Variants in PMM1 observed in about 807,000 individuals in gnomAD.
PMM1 encodes brain glucose-1,6-bisphosphatase.
A neutral mutation model predicts 34.0 loss-of-function variants in PMM1; 25 were observed. The observed-to-expected ratio is 0.73, with a 90% CI of 0.54 to 1.03. The LOEUF (loss-of-function observed/expected upper bound fraction) is 1.03. PMM1 is among the 50% of genes least tolerant of loss of function. The pLI is 0.00. For missense variants in PMM1, 321 were observed against 350.1 expected (o/e 0.92, Z 0.66); for synonymous variants, 134 against 143.9 (o/e 0.93, Z 0.49).
Position 41,585,616 on chromosome 22 carries a change from C to T in PMM1, c.205+460G>A, listed in dbSNP as rs764396329. On this transcript the variant is annotated intron_variant, in intron 2 of 7. Coordinates refer to ENST00000216259, the MANE Select transcript of PMM1 (RefSeq NM_002676.3). ...AAGCGATTCTCCTGCCTCAGCCTCC[C>T]GAGTAGCTGGGATTACAGGCACGTG... 2.8e-4 allele frequency among the ~76,000 whole-genome samples: 42 copies of T among 152,060 alleles called. No homozygotes were observed. The East Asian group carries it at 3.3e-3, about 12-fold the overall frequency.
At position 41,578,813 on chromosome 22, in the gene PMM1, G is replaced by C; in HGVS notation, c.543C>G (p.Phe181Leu). The change falls in exon 6 of 8, where the codon TTC becomes TTG. Residue 181 changes from phenylalanine (F) to leucine (L), a missense_variant. Coordinates refer to ENST00000216259, the MANE Select transcript of PMM1 (RefSeq NM_002676.3). ...TCTGCAGGGTGGACGTACCTCGAGAGAACCTCAGCCCTTTGCCAGCAAACT... is the reference window on the plus strand; with the variant it reads ...TCTGCAGGGTGGACGTACCTCGAGACAACCTCAGCCCTTTGCCAGCAAACT... ...KTEFAGKGLR[F>L]SRGGMISFDV... The C allele has an allele frequency of 6.2e-7, 1 of 1,613,886 alleles. No homozygotes were observed. Among genetic ancestry groups the C allele is most frequent in the Non-Finnish European group, 8.5e-7 (1 of 1,179,834 alleles).
intron 3 of PMM1, 46 bp downstream of exon 3, chr22:41,584,481 T>C (rs778822082): frequency 1.3e-6 from 2 of 1,579,968 alleles, no homozygotes; most frequent in South Asian, 2.2e-5. Context: ...ACTGCTCCAC[T>C]ATGGAAAAGT....
chr22:41,585,307 G>A (rs1235411403), intron 2 of PMM1: 2 of 152,118 alleles, frequency 1.3e-5, no homozygotes, highest in African/African-American at 2.4e-5. Flanking sequence ...GAGACCAGGG[G>A]CTCTGAGGTC....
At chr22:41,588,201 A>G (rs1477194972) in intron 1 of PMM1, among the ~76,000 whole-genome samples, 1 of 149,326 alleles carries the variant, frequency 6.7e-6, no homozygotes, top group Non-Finnish European at 1.5e-5. Flanking sequence ...CAGGCACACG[A>G]CACCACGCCC....
chr22:41,578,908 G>A, intron 5 of PMM1, 27 bp from the exon 6 acceptor site: 1 of 1,600,862 alleles, frequency 6.2e-7, no homozygotes, highest in Non-Finnish European at 8.6e-7. Context: ...GCGGATGGCA[G>A]CTCAGAGGAC....
intron 1 of PMM1, among the ~76,000 whole-genome samples, chr22:41,587,312 C>T (rs558387839): frequency 3.3e-5 from 5 of 151,272 alleles, no homozygotes; most frequent in African/African-American, 9.7e-5. Context: ...TGGTGGCAAG[C>T]GCCTGTAATC....
chr22:41,580,973 G>A (rs2067239240), intron 5 of PMM1, among the ~76,000 whole-genome samples: 1 of 152,108 alleles, frequency 6.6e-6, no homozygotes, highest in Middle Eastern at 3.4e-3. Flanking sequence ...AAATTAGCTG[G>A]GCGTGGTGGC....
intron 5 of PMM1, among the ~76,000 whole-genome samples, chr22:41,583,041 C>T (rs938893139): frequency 2.0e-5 from 3 of 151,754 alleles, no homozygotes; most frequent in East Asian, 1.9e-4. Context: ...AAAGGAGACG[C>T]GGAGAGCCAG....
In PMM1 at chr22:41,577,288, G is replaced by C; in HGVS notation, c.*30C>G. On this transcript the variant is annotated 3_prime_UTR_variant, in exon 8 of 8. Transcript: ENST00000216259. ...CTTTAGGCCTAGGCCAAACTCTTCA[G>C]AAGTCACGACACACAGATGTGGGCC... is the stretch of plus-strand genomic sequence containing the variant. 6.2e-7 allele frequency: 1 copy of C among 1,612,192 alleles called. No homozygotes were observed. The highest frequency in any genetic ancestry group is 1.6e-4 in the Middle Eastern group (1 of 6,062).
chr22:41,577,224 G>A lies in PMM1; in HGVS notation c.*94C>T. ...GGCTTGCAGCAGGCGTCCTGGGCCA[G>A]AGGAGGGGCCCTGGCATCTATCCAA... On this transcript the variant is annotated 3_prime_UTR_variant, in exon 8 of 8. Transcript: ENST00000216259. The A allele has an allele frequency of 1.3e-6, 2 of 1,555,400 alleles. No individual in the cohort carries two copies. The highest frequency in any genetic ancestry group is 1.8e-6 in the Non-Finnish European group (2 of 1,137,168).
chr22:41,581,916 C>T (rs1459604422), intron 5 of PMM1, among the ~76,000 whole-genome samples: 2 of 151,926 alleles, frequency 1.3e-5, no homozygotes, highest in Middle Eastern at 3.2e-3. Flanking sequence ...ACCAGCGAGT[C>T]AGGGGTTCCA....
At chr22:41,586,710 T>C (rs929733301) in intron 1 of PMM1, among the ~76,000 whole-genome samples, 1 of 151,596 alleles carries the variant, frequency 6.6e-6, no homozygotes, top group Non-Finnish European at 1.5e-5. Flanking sequence ...GGTTTCGCCA[T>C]GTTGGCCAGG....
intron 1 of PMM1, chr22:41,589,162 G>T (rs1381740735): frequency 3.9e-6 from 5 of 1,291,932 alleles, no homozygotes; most frequent in South Asian, 1.2e-5. Flanking sequence ...TCTGCTCCAC[G>T]ACTGGGGGTG....
chr22:41,587,976 T>C (rs369203674), intron 1 of PMM1, among the ~76,000 whole-genome samples: 1 of 152,248 alleles, frequency 6.6e-6, no homozygotes, highest in East Asian at 1.9e-4. Context: ...GTTGTTATGT[T>C]TGTGGAGCAA....
chr22:41,578,026 T>A, intron 6 of PMM1, 103 bp from the exon 7 acceptor site: 1 of 805,194 alleles, frequency 1.2e-6, no homozygotes, highest in Non-Finnish European at 2.1e-6. Context: ...CTTGAGTGCC[T>A]ACTGAGGGCC....
chr22:41,577,876 A>G lies in PMM1; in HGVS notation c.598T>C (p.Tyr200His). 6.2e-7 allele frequency: 1 copy of G among 1,613,530 alleles called. No individual in the cohort carries two copies. Among genetic ancestry groups the G allele is most frequent in the Non-Finnish European group, 8.5e-7 (1 of 1,179,978 alleles). Reference sequence around the variant, plus strand: ...TCCTGGTCCAGGCTATCCAGGCAGTAGCGCTTGTCCCAGCCCTCGGGGAAG... The same window carrying G: ...TCCTGGTCCAGGCTATCCAGGCAGTGGCGCTTGTCCCAGCCCTCGGGGAAG... ...DVFPEGWDKR[Y>H]CLDSLDQDSF... The change falls in exon 7 of 8, where the codon TAC becomes CAC. Residue 200 changes from tyrosine (Y) to histidine (H), a missense_variant. Coordinates refer to ENST00000216259, the MANE Select transcript of PMM1 (RefSeq NM_002676.3).
Position 41,586,995 on chromosome 22 carries a change from C to T in PMM1, c.88-802G>A, listed in dbSNP as rs1349202310. Among the ~76,000 whole-genome samples the T allele has an allele frequency of 1.5e-3, 228 of 148,328 alleles. 1 individual carries two copies. Among genetic ancestry groups the T allele is most frequent in the African/African-American group, 5.1e-3 (208 of 40,676 alleles). On this transcript the variant is annotated intron_variant, in intron 1 of 7. Coordinates refer to ENST00000216259, the MANE Select transcript of PMM1 (RefSeq NM_002676.3). ...AAAAAAAAAAAAAATTGGCCATGCG[C>T]GGTGGCTCACGCCTGTAATCCCAGC...
rs2179291 is a variant in PMM1 at position 41,579,174 on chromosome 22, G to A, written c.475-293C>T. 9.3e-3 allele frequency: 3,621 copies of A among 390,700 alleles called. 115 individuals carry two copies. The highest frequency in any genetic ancestry group is 0.065 in the African/African-American group (3,177 of 49,244). The allele number at this position is 390,700 out of a possible 1,614,324, so 24.2% of individuals were successfully genotyped here. ...ACACGAGTAGGAAGGGCGAGGAGAC[G>A]GGGCAATCTGGATCCCACATCAGTG... is the stretch of plus-strand genomic sequence containing the variant. On this transcript the variant is annotated intron_variant, in intron 5 of 7. Transcript: ENST00000216259.
At chr22:41,584,849 C>T (rs1030315178) in intron 2 of PMM1, 30 of 449,904 alleles carry the variant, frequency 6.7e-5, no homozygotes, top group South Asian at 3.2e-4. Flanking sequence ...CTGTCAGAAC[C>T]GCCCTTCCCT....
Sources: gnomAD v4.1 joint callset for allele counts (sites outside exome capture counted in the v4.1 genomes callset) on GRCh38, gnomAD v4.1.1 for gene constraint, MANE v1.5 for transcripts, NCBI Gene and HGNC (gene_info 2026-07-23, HGNC 2026-07-21) for gene names.